CARMIL1: variants seen among roughly 807,000 people sequenced by gnomAD.
CARMIL1 encodes the protein F-actin-uncapping protein LRRC16A.
In CARMIL1, 90 loss-of-function variants were observed where a neutral mutation model predicts 177.1. The ratio of observed to expected loss-of-function variants is 0.51; its 90% CI spans 0.43 to 0.61. The LOEUF (loss-of-function observed/expected upper bound fraction) is 0.61, where lower values mean the gene tolerates loss of function less well. Ranked by LOEUF, CARMIL1 falls within the 20% of genes least tolerant of loss-of-function variation. The probability of loss-of-function intolerance (pLI) is 0.00; values close to 1 mark genes in which losing one functional copy is unlikely to be tolerated. For missense variants in CARMIL1, 1,380 were observed against 1,667.0 expected (o/e 0.83, Z 3.00); for synonymous variants, 577 against 606.2 (o/e 0.95, Z 0.71).
At chr6:25,456,201 C>T (rs769105249) in intron 8 of CARMIL1, among the ~76,000 whole-genome samples, 17 of 152,282 alleles carry the variant, frequency 1.1e-4, no homozygotes, top group Admixed American at 4.6e-4. Context: ...ACTTGGCTTC[C>T]TATTTCTATA....
At position 25,452,093 on chromosome 6, in the gene CARMIL1, C is replaced by T. The variant is rs774672272; in HGVS notation, c.614+1382C>T. 11 of 736,540 alleles carry T rather than the reference C, an allele frequency of 1.5e-5. No individual in the cohort carries two copies. In the East Asian group the frequency reaches 1.8e-4, roughly 12 times the overall value. 45.6% of individuals were successfully genotyped at this position (736,540 alleles called of 1,614,324 possible). A position where few individuals can be genotyped will look rare whatever the true frequency, so the allele number is the denominator to read the frequency against. On this transcript the variant is annotated intron_variant, in intron 8 of 36. Transcript: ENST00000329474. Reference sequence around the variant, plus strand: ...CCTGAAGAGCTCTAGCCAACTGAATCGGCCAGGGAAAAAGTATACTAGCTG... The same window carrying T: ...CCTGAAGAGCTCTAGCCAACTGAATTGGCCAGGGAAAAAGTATACTAGCTG...
At chr6:25,476,026 C>G (rs1801546656) in intron 11 of CARMIL1, among the ~76,000 whole-genome samples, 1 of 152,186 alleles carries the variant, frequency 6.6e-6, no homozygotes, top group Non-Finnish European at 1.5e-5. Flanking sequence ...TGCAAAGTGT[C>G]TAGTGTAAGA....
In CARMIL1 at chr6:25,491,960, C is replaced by G; in HGVS notation, c.1156C>G (p.Leu386Val). 1 of 1,613,574 alleles carries G rather than the reference C, an allele frequency of 6.2e-7. No homozygotes were observed. The highest frequency in any genetic ancestry group is 8.5e-7 in the Non-Finnish European group (1 of 1,179,668). ...ATTTCTTTTTCAGGTCTGTGGAGCTCTTCTCCGTGGATGCCTTCAATATTT... is the reference window on the plus strand; with the variant it reads ...ATTTCTTTTTCAGGTCTGTGGAGCTGTTCTCCGTGGATGCCTTCAATATTT... ...ECSLDMVCGA[L>V]LRGCLQYLAV... is the part of the protein sequence containing the mutation. Residue 386 changes from leucine to valine, a missense_variant, in exon 15 of 37, where the codon CTT (leucine) becomes GTT (valine). By Grantham distance (32) the Leu-to-Val change is conservative. Transcript: ENST00000329474.
chr6:25,318,634 C>T (rs1340121212), intron 2 of CARMIL1, among the ~76,000 whole-genome samples: 1 of 152,174 alleles, frequency 6.6e-6, no homozygotes, highest in African/African-American at 2.4e-5. Flanking sequence ...ACTTCCTTAG[C>T]AAGATCTCTT....
intron 27 of CARMIL1, among the ~76,000 whole-genome samples, chr6:25,552,085 A>G (rs566454043): frequency 6.6e-6 from 1 of 152,218 alleles, no homozygotes; most frequent in East Asian, 1.9e-4. Flanking sequence ...AAGCCCCTAA[A>G]TCCTACTCAG....
chr6:25,611,561 T>TAAAA (rs1360332383), intron 36 of CARMIL1, among the ~76,000 whole-genome samples: 1 of 152,148 alleles, frequency 6.6e-6, no homozygotes, highest in African/African-American at 2.4e-5. Context: ...AAGGAAGCGT[T>TAAAA]GAAAATGCCT....
At chr6:25,452,453 G>C (rs2150866825) in intron 8 of CARMIL1, 1 of 481,948 alleles carries the variant, frequency 2.1e-6, no homozygotes, top group East Asian at 3.4e-5. Context: ...CAGCGTTTTT[G>C]GTCCCTTTAC....
intron 2 of CARMIL1, among the ~76,000 whole-genome samples, chr6:25,301,242 T>A (rs560522816): frequency 1.4e-3 from 212 of 152,236 alleles, no homozygotes; most frequent in African/African-American, 4.8e-3. Context: ...GCATGAGGAA[T>A]AAAAGCCCTT....
At chr6:25,586,716 G>A (rs998891075) in intron 31 of CARMIL1, among the ~76,000 whole-genome samples, 1 of 152,194 alleles carries the variant, frequency 6.6e-6, no homozygotes, top group Admixed American at 6.5e-5. Context: ...ACCTCGGGAG[G>A]CCGAGGCGGG....
intron 2 of CARMIL1, among the ~76,000 whole-genome samples, chr6:25,306,879 CTT>C (rs35585232): frequency 5.7e-5 from 6 of 105,940 alleles, no homozygotes; most frequent in Non-Finnish European, 3.8e-5. Context: ...AGTGCCTTGG[CTT>C]TTTTTTTTTT....
chr6:25,297,457 AT>A (rs1292303190), intron 2 of CARMIL1, among the ~76,000 whole-genome samples: 2 of 151,924 alleles, frequency 1.3e-5, no homozygotes, highest in Non-Finnish European at 2.9e-5. Flanking sequence ...ACCCTCTATC[AT>A]TTTACTCTCT....
chr6:25,596,323 A>G (rs1205671446), intron 32 of CARMIL1, among the ~76,000 whole-genome samples: 13 of 152,158 alleles, frequency 8.5e-5, no homozygotes, highest in Non-Finnish European at 2.9e-5. Flanking sequence ...TTATAAATAG[A>G]TTATTGTCAG....
intron 2 of CARMIL1, among the ~76,000 whole-genome samples, chr6:25,325,176 G>A (rs753756218): frequency 6.6e-6 from 1 of 152,158 alleles, no homozygotes; most frequent in Non-Finnish European, 1.5e-5. Flanking sequence ...ATTAAAGGCC[G>A]TTTTCTCATT....
chr6:25,328,161 C>G (rs1785293099), intron 2 of CARMIL1, among the ~76,000 whole-genome samples: 4 of 152,128 alleles, frequency 2.6e-5, no homozygotes, highest in Admixed American at 2.6e-4. Flanking sequence ...TTATTCTGTG[C>G]CAAGCTCTTG....
chr6:25,313,698 T>TATGTGTGTATATATATATATATATATA (rs1262920852), intron 2 of CARMIL1, among the ~76,000 whole-genome samples: 1 of 150,080 alleles, frequency 6.7e-6, no homozygotes, highest in African/African-American at 2.5e-5. Flanking sequence ...TATACAGTTA[T>TATGTGTGTATATATATATATATATATA]TTGGGAGAAA....
chr6:25,502,964 A>G (rs1484580549), intron 17 of CARMIL1, among the ~76,000 whole-genome samples: 13 of 152,210 alleles, frequency 8.5e-5, no homozygotes, highest in African/African-American at 3.1e-4. Flanking sequence ...TTTATGATCT[A>G]TTGGGAATAA....
At chr6:25,394,085 C>T (rs773172561) in intron 2 of CARMIL1, among the ~76,000 whole-genome samples, 2 of 152,132 alleles carry the variant, frequency 1.3e-5, no homozygotes, top group Non-Finnish European at 2.9e-5. Context: ...TTAGTTTCTA[C>T]CATTTACATT....
In CARMIL1 at chr6:25,482,348, A is replaced by G; in HGVS notation, c.961+5A>G. On this transcript the variant is annotated splice_donor_5th_base_variant and intron_variant, in intron 12 of 36. Transcript: ENST00000329474. ...AAACCTCATTATCACCTAAAGGTACAGTATTTCTTATTTACCTAAGAGTGT... is the reference window on the plus strand; with the variant it reads ...AAACCTCATTATCACCTAAAGGTACGGTATTTCTTATTTACCTAAGAGTGT... 1 of 1,428,502 alleles carries G rather than the reference A, an allele frequency of 7.0e-7. No homozygotes were observed. The allele number at this position is 1,428,502 out of a possible 1,614,324, so 88.5% of individuals were successfully genotyped here. A position where few individuals can be genotyped will look rare whatever the true frequency, so the allele number is the denominator to read the frequency against.
chr6:25,568,998 G>T (rs569166103), intron 29 of CARMIL1, among the ~76,000 whole-genome samples: 2 of 152,308 alleles, frequency 1.3e-5, no homozygotes, highest in East Asian at 3.9e-4. Context: ...GATAGAAAAT[G>T]TACCCAACTT....
Sources: gnomAD v4.1 joint callset for allele counts (sites outside exome capture counted in the v4.1 genomes callset) on GRCh38, gnomAD v4.1.1 for gene constraint, MANE v1.5 for transcripts, NCBI Gene and HGNC (gene_info 2026-07-23, HGNC 2026-07-21) for gene names.